Variants in DOK3 observed in about 807,000 individuals in gnomAD.
DOK3 encodes docking protein 3.
DOK3 carries 23 observed loss-of-function variants against 26.2 expected under a neutral mutation model. That is an observed-to-expected ratio of 0.88 (90% CI 0.63 to 1.24). The LOEUF (loss-of-function observed/expected upper bound fraction) is 1.24, where lower values mean the gene tolerates loss of function less well. DOK3 is among the 50% of genes most tolerant of loss of function. The probability of loss-of-function intolerance (pLI) is 0.00; values close to 1 mark genes in which losing one functional copy is unlikely to be tolerated. For synonymous variants in DOK3, 268 were observed against 268.2 expected (o/e 1.00, Z 0.01); for missense variants, 619 against 610.6 (o/e 1.01, Z -0.15).
At chr5:177,509,874 C>T, upstream of DOK3, 1 of 1,608,986 alleles carries the variant, frequency 6.2e-7, no homozygotes, top group South Asian at 1.1e-5. Context: ...CCTCCCCCGT[C>T]CCGCCCCGGG....
chr5:177,504,905 A>C lies in DOK3; in HGVS notation c.483T>G (p.Phe161Leu). ...CCTCAGTCCTCTGCACCACCACGGG[A>C]AACTCGCCCACTGTGGCAGGTGGCC... ...IYSSWQEVGE[F>L]PVVVQRTEAA... The change falls in exon 5 of 6, where the codon TTT becomes TTG. Residue 161 changes from phenylalanine (F) to leucine (L), a missense_variant. Physicochemically the swap from Phe to Leu is conservative, Grantham distance 22 (BLOSUM62 0). Transcript: ENST00000510898. The C allele has an allele frequency of 1.3e-6, 2 of 1,587,662 alleles. No homozygotes were observed. The highest frequency in any genetic ancestry group is 8.6e-7 in the Non-Finnish European group (1 of 1,165,094).
Position 177,505,105 on chromosome 5 carries a change from T to A in DOK3, c.378A>T (p.Thr126=). The A allele has an allele frequency of 1.2e-6, 2 of 1,606,948 alleles. No homozygotes were observed. The highest frequency in any genetic ancestry group is 1.7e-6 in the Non-Finnish European group (2 of 1,176,926). ...GPICQLAFPG[T]GEASSGSTDA... ...CTGTGGATCCTGAGGAGGCCTCCCC[T>A]GTCCCCTGGGGAATGAGTTCAAGTC... The change falls in exon 4 of 6, where the codon ACA becomes ACT. Residue 126 remains threonine (T), a synonymous_variant. Coordinates refer to ENST00000510898, the MANE Select transcript of DOK3 (RefSeq NM_001308236.3).
In DOK3 at chr5:177,505,002, C is replaced by T. The variant is rs1198020378; in HGVS notation, c.472+9G>A. 1.9e-6 allele frequency: 3 copies of T among 1,603,958 alleles called. No homozygotes were observed. Among genetic ancestry groups the T allele is most frequent in the Admixed American group, 1.7e-5 (1 of 58,614 alleles). On this transcript the variant is annotated intron_variant, in intron 4 of 5. Transcript: ENST00000510898. ...GGCTGAGGCTGCCCTTGCACGTCCTCCAACTTACCTTCCTGCCAGGAGGAG... is the reference window on the plus strand; with the variant it reads ...GGCTGAGGCTGCCCTTGCACGTCCTTCAACTTACCTTCCTGCCAGGAGGAG...
rs1759701409 is a variant in DOK3, at chr5:177,504,190, G to C, written c.1116C>G (p.Thr372=). The change falls in exon 6 of 6, where the codon ACC becomes ACG. Residue 372 remains threonine, a synonymous_variant. Transcript: ENST00000510898. ...HEGPGSRSPT[T]SPIYHNGQDL... Reference sequence around the variant, plus strand: ...CCTGGCCGTTGTGGTAGATGGGACTGGTTGTGGGGCTGCGGCTGCCGGGGC... The same window carrying C: ...CCTGGCCGTTGTGGTAGATGGGACTCGTTGTGGGGCTGCGGCTGCCGGGGC... The C allele has an allele frequency of 1.9e-6, 3 of 1,613,610 alleles. No individual in the cohort carries two copies. Among genetic ancestry groups the C allele is most frequent in the African/African-American group, 1.3e-5 (1 of 74,934 alleles).
intron 3 of DOK3, 29 bp downstream of exon 3, chr5:177,508,208 C>A: frequency 2.3e-6 from 3 of 1,305,612 alleles, no homozygotes; most frequent in Non-Finnish European, 1.9e-6. Flanking sequence ...GTGCCCCAGC[C>A]CAATCGCCCC....
At position 177,508,513 on chromosome 5, in the gene DOK3, C is replaced by T. The variant is rs1182607902; in HGVS notation, c.96G>A (p.Leu32=). The change falls in exon 3 of 6, where the codon CTG becomes CTA. Residue 32 remains leucine (L), a synonymous_variant. Transcript: ENST00000510898. ...CCACGCCTGATGGGCCTCCTGCATA[C>T]AGCAGAGCCCACACCTTCCGCCAGC... The part of the protein sequence containing the change: ...KKCWRKVWAL[L]YAGGPSGVAR... 6 of 1,572,226 alleles carry T rather than the reference C, an allele frequency of 3.8e-6. No homozygotes were observed. Among genetic ancestry groups the T allele is most frequent in the Non-Finnish European group, 5.2e-6 (6 of 1,155,924 alleles).
upstream of DOK3, chr5:177,509,846 G>A (rs558150906): frequency 8.7e-6 from 14 of 1,610,762 alleles, no homozygotes; most frequent in African/African-American, 6.7e-5. Flanking sequence ...CTGGCTCCCC[G>A]AGTCATGAGT....
In DOK3 at chr5:177,504,303, G is replaced by C. The variant is rs541916027; in HGVS notation, c.1003C>G (p.Pro335Ala). The C allele has an allele frequency of 6.2e-7, 1 of 1,606,146 alleles. No individual in the cohort carries two copies. The highest frequency in any genetic ancestry group is 1.1e-5 in the South Asian group (1 of 90,068). Reference protein sequence around the residue: ...YASVCKRASGPPGNEHLYENL... With the variant: ...YASVCKRASGAPGNEHLYENL... ...TCATAGAGGTGCTCATTGCCTGGGG[G>C]CCCACTGGCACGCTTGCACACTGAA... Residue 335 changes from proline (P) to alanine (A), a missense_variant, in exon 6 of 6, where the codon CCC (proline) becomes GCC (alanine). Coordinates refer to ENST00000510898, the MANE Select transcript of DOK3 (RefSeq NM_001308236.3).
upstream of DOK3, chr5:177,510,439 G>A (rs1420110201): frequency 6.5e-6 from 1 of 153,768 alleles, no homozygotes; most frequent in African/African-American, 2.4e-5. Flanking sequence ...AGGTCCCAGG[G>A]GGCCCCGGAG....
In DOK3 at chr5:177,502,999, T is replaced by TG; in HGVS notation, c.*983dup. 1 of 1,453,888 alleles carries TG rather than the reference T, an allele frequency of 6.9e-7. No homozygotes were observed. The highest frequency in any genetic ancestry group is 9.2e-7 in the Non-Finnish European group (1 of 1,082,414). The allele number at this position is 1,453,888 out of a possible 1,614,324, so 90.1% of individuals were successfully genotyped here. A position where few individuals can be genotyped will look rare whatever the true frequency, so the allele number is the denominator to read the frequency against. On this transcript the variant is annotated 3_prime_UTR_variant, in exon 6 of 6. Transcript: ENST00000510898. Reference sequence around the variant, plus strand: ...GAGGTGGCGGCCAGAGGATGAGGCTTGGACAGGAGAGAGCAAAAATTGTGT... The same window carrying TG: ...GAGGTGGCGGCCAGAGGATGAGGCTTGGGACAGGAGAGAGCAAAAATTGTGT...
At chr5:177,506,488 C>G (rs1312901453) in intron 3 of DOK3, among the ~76,000 whole-genome samples, 1 of 150,716 alleles carries the variant, frequency 6.6e-6, no homozygotes, top group Admixed American at 6.6e-5. Context: ...CGTGTGCCAC[C>G]ACACCCAGCT....
intron 3 of DOK3, 74 bp from the exon 4 acceptor site, chr5:177,505,184 A>AAT: frequency 7.3e-7 from 1 of 1,375,816 alleles, no homozygotes; most frequent in Non-Finnish European, 9.9e-7. Context: ...AGTATCCCAG[A>AAT]ACTCCACAAG....
In DOK3 at chr5:177,503,890, G is replaced by T. The variant is rs1252622106; in HGVS notation, c.*93C>A. ...CCTGCAGGCCAGGGTGGACACAGGC[G>T]TGTGTCTGCATGGGCCCAATGTTTG... is the stretch of plus-strand genomic sequence containing the variant. On this transcript the variant is annotated 3_prime_UTR_variant, in exon 6 of 6. Transcript: ENST00000510898. 2 of 1,448,244 alleles carry T rather than the reference G, an allele frequency of 1.4e-6. No homozygotes were observed. Among genetic ancestry groups the T allele is most frequent in the South Asian group, 1.4e-5 (1 of 69,452 alleles). 89.7% of individuals were successfully genotyped at this position (1,448,244 alleles called of 1,614,324 possible).
chr5:177,503,531 C>G lies in DOK3; in HGVS notation c.*452G>C, dbSNP rs1377613564. On this transcript the variant is annotated 3_prime_UTR_variant, in exon 6 of 6. Transcript: ENST00000510898. Reference sequence around the variant, plus strand: ...TCTCCAGTTGGGCCCTCATGTTGCTCCTTCCTGAGTCTGACAAGTAAGCCT... The same window carrying G: ...TCTCCAGTTGGGCCCTCATGTTGCTGCTTCCTGAGTCTGACAAGTAAGCCT... The G allele has an allele frequency of 3.5e-6, 5 of 1,422,620 alleles. No homozygotes were observed. In the East Asian group the frequency reaches 1.3e-4, roughly 36 times the overall value. 88.1% of individuals were successfully genotyped at this position (1,422,620 alleles called of 1,614,324 possible).
At position 177,504,736 on chromosome 5, in the gene DOK3, A is replaced by G; in HGVS notation, c.645+7T>C. The G allele has an allele frequency of 1.9e-6, 3 of 1,613,974 alleles. No homozygotes were observed. The highest frequency in any genetic ancestry group is 2.5e-6 in the Non-Finnish European group (3 of 1,179,912). On this transcript the variant is annotated splice_region_variant and intron_variant, in intron 5 of 5. Coordinates refer to ENST00000510898, the MANE Select transcript of DOK3 (RefSeq NM_001308236.3). The stretch of plus-strand genomic sequence containing the variant: ...GCCCCTCACCCTTTCCCACCCCTGC[A>G]CCTCACCTTGTCGGAGCCGAACTTG...
At chr5:177,506,394 G>A (rs952410432) in intron 3 of DOK3, among the ~76,000 whole-genome samples, 8 of 148,562 alleles carry the variant, frequency 5.4e-5, no homozygotes, top group East Asian at 2.0e-4. Flanking sequence ...GCAGTGGTGC[G>A]ATCTAAGCTC....
Position 177,503,205 on chromosome 5 carries a change from CTT to C in DOK3, c.*776_*777del. On this transcript the variant is annotated 3_prime_UTR_variant, in exon 6 of 6. Transcript: ENST00000510898. ...ACGCAGCATGGAAGTCTTCAGGAAA[CTT>C]CTCTCCCCCTGGAATGTCGGCTCCC... 6.4e-7 allele frequency: 1 copy of C among 1,551,644 alleles called. No homozygotes were observed. The highest frequency in any genetic ancestry group is 8.7e-7 in the Non-Finnish European group (1 of 1,146,962).
intron 3 of DOK3, among the ~76,000 whole-genome samples, chr5:177,506,174 G>A (rs553227481): frequency 1.3e-4 from 19 of 151,882 alleles, no homozygotes; most frequent in African/African-American, 3.1e-4. Context: ...GGCTGGTCTC[G>A]AACTCCTGAC....
chr5:177,508,117 ACTTTTCCCAGGCTTGTAGGTG>A lies in DOK3; in HGVS notation c.372+99_372+119del, dbSNP rs1333639533. The A allele has an allele frequency of 1.8e-4, 217 of 1,222,590 alleles. 2 individuals carry two copies. The East Asian group carries it at 3.1e-3, about 17-fold the overall frequency. The allele number at this position is 1,222,590 out of a possible 1,614,324, so 75.7% of individuals were successfully genotyped here. A position where few individuals can be genotyped will look rare whatever the true frequency, so the allele number is the denominator to read the frequency against. Reference sequence around the variant, plus strand: ...GCCCTCTGAGAGTCATTATAGATTTACTTTTCCCAGGCTTGTAGGTGCTCGGTGGAGCTTGCTGGGTGATGG... The same window carrying A: ...GCCCTCTGAGAGTCATTATAGATTTACTCGGTGGAGCTTGCTGGGTGATGG... On this transcript the variant is annotated intron_variant, in intron 3 of 5. Transcript: ENST00000510898.
Sources: gnomAD v4.1 joint callset for allele counts (sites outside exome capture counted in the v4.1 genomes callset) on GRCh38, gnomAD v4.1.1 for gene constraint, MANE v1.5 for transcripts, NCBI Gene and HGNC (gene_info 2026-07-23, HGNC 2026-07-21) for gene names.